The following SH3RF2 variants were observed in gnomAD, a reference collection of about 807,000 sequenced individuals.
The protein encoded by SH3RF2 is E3 ubiquitin-protein ligase SH3RF2.
A neutral mutation model predicts 59.0 loss-of-function variants in SH3RF2; 43 were observed. That is an observed-to-expected ratio of 0.73 (90% CI 0.57 to 0.94). The LOEUF is 0.94. SH3RF2 is among the 40% of genes least tolerant of loss of function. The pLI is 0.00. For missense variants in SH3RF2, 930 were observed against 940.1 expected (o/e 0.99, Z 0.14); for synonymous variants, 391 against 391.5 (o/e 1.00, Z 0.01).
At position 146,013,852 on chromosome 5, in the gene SH3RF2, A is replaced by G; in HGVS notation, c.850A>G (p.Thr284Ala). Residue 284 changes from threonine (T) to alanine (A), a missense_variant, in exon 5 of 10, where the codon ACC becomes GCC. Coordinates refer to ENST00000359120, the MANE Select transcript of SH3RF2 (RefSeq NM_152550.4). ...CTCGTCCTCCAGAGGCAACACGTCT[A>G]CCCTCCGTAGGGGCCCAGGGTCCAG... is the stretch of plus-strand genomic sequence containing the variant. ...VSSSSRGNTS[T>A]LRRGPGSRRK... is the part of the protein sequence containing the mutation. The G allele has an allele frequency of 2.5e-6, 4 of 1,613,946 alleles. No individual in the cohort carries two copies. Among genetic ancestry groups the G allele is most frequent in the Non-Finnish European group, 3.4e-6 (4 of 1,179,984 alleles).
intron 2 of SH3RF2, among the ~76,000 whole-genome samples, chr5:145,953,360 A>G (rs1421896889): frequency 1.3e-5 from 2 of 152,170 alleles, no homozygotes; most frequent in Admixed American, 6.5e-5. Context: ...CTGTTCTCAA[A>G]GAGTGGAGAG....
At chr5:145,950,727 G>A (rs185492150) in intron 2 of SH3RF2, among the ~76,000 whole-genome samples, 70 of 152,332 alleles carry the variant, frequency 4.6e-4, no homozygotes, top group African/African-American at 1.6e-3. Context: ...TCTCGAATAT[G>A]ACAAGCTCTG....
intron 8 of SH3RF2, among the ~76,000 whole-genome samples, chr5:146,059,549 C>T (rs547892683): frequency 5.3e-5 from 8 of 149,834 alleles, no homozygotes; most frequent in Admixed American, 2.0e-4. Context: ...TGTGTGTGTA[C>T]GTGTGTGTGT....
At chr5:146,011,312 G>C (rs555872244) in intron 4 of SH3RF2, among the ~76,000 whole-genome samples, 16 of 152,224 alleles carry the variant, frequency 1.1e-4, no homozygotes, top group African/African-American at 3.6e-4. Context: ...GTCAGGTAGC[G>C]TGATGCCTCC....
chr5:145,952,334 G>C (rs543771993), intron 2 of SH3RF2, among the ~76,000 whole-genome samples: 3 of 152,178 alleles, frequency 2.0e-5, no homozygotes, highest in Admixed American at 6.5e-5. Context: ...TTCTCATAAA[G>C]AGCCTCTAAC....
intron 2 of SH3RF2, chr5:145,997,806 C>T: frequency 6.6e-7 from 1 of 1,517,494 alleles, no homozygotes; most frequent in Middle Eastern, 1.8e-4. Context: ...AAAAATTAAG[C>T]TAGGATCCCC....
chr5:145,997,123 T>A, intron 2 of SH3RF2: 1 of 643,606 alleles, frequency 1.6e-6, no homozygotes, highest in Admixed American at 2.6e-5. Context: ...GTGCAGGTTA[T>A]TTCATCACCC....
rs558717056 is a variant in SH3RF2, at chr5:146,033,451, CTTTTTTTTTTTTTTT to C, written c.1060-14299_1060-14285del. 1.5e-4 allele frequency among the ~76,000 whole-genome samples: 11 copies of C among 71,856 alleles called. 1 individual carries two copies. The highest frequency in any genetic ancestry group is 2.4e-4 in the Non-Finnish European group (10 of 41,782). The allele number at this position is 71,856 out of a possible 152,430, so 47.1% of individuals were successfully genotyped here. A position where few individuals can be genotyped will look rare whatever the true frequency, so the allele number is the denominator to read the frequency against. On this transcript the variant is annotated intron_variant, in intron 5 of 9. Transcript: ENST00000359120. ...AAAATCTATGAGCACTAGCCCTTAG[CTTTTTTTTTTTTTTT>C]TTTTTTTTTTTTTTTTTTTTTGAGA... is the stretch of plus-strand genomic sequence containing the variant.
In SH3RF2 at chr5:146,060,225, G is replaced by T. The variant is rs779760080; in HGVS notation, c.1914+1G>T. On this transcript the variant is annotated splice_donor_variant, in intron 9 of 9. Coordinates refer to ENST00000359120, the MANE Select transcript of SH3RF2 (RefSeq NM_152550.4). LOFTEE classifies it high-confidence loss of function. ...AAACTCAAGAAATGGCATCGAAAAG[G>T]TAGGATCAGAGTGACATTGGGGGCC... The T allele has an allele frequency of 6.2e-7, 1 of 1,600,648 alleles. No individual in the cohort carries two copies. The highest frequency in any genetic ancestry group is 8.5e-7 in the Non-Finnish European group (1 of 1,172,878).
At chr5:145,958,087 T>G (rs572407014) in intron 2 of SH3RF2, among the ~76,000 whole-genome samples, 1 of 150,962 alleles carries the variant, frequency 6.6e-6, no homozygotes, top group East Asian at 2.0e-4. Flanking sequence ...CACTCCAGCC[T>G]GGGCAACAAG....
chr5:146,054,446 T>C (rs943617966), intron 7 of SH3RF2, among the ~76,000 whole-genome samples: 45 of 152,320 alleles, frequency 3.0e-4, no homozygotes, highest in African/African-American at 1.0e-3. Context: ...CCTTGAGGCC[T>C]CTGTTCAAAA....
chr5:146,011,670 G>T (rs1760904041), intron 4 of SH3RF2, among the ~76,000 whole-genome samples: 1 of 152,080 alleles, frequency 6.6e-6, no homozygotes, highest in South Asian at 2.1e-4. Flanking sequence ...CTCATGATTT[G>T]GCTCTCTGTT....
intron 2 of SH3RF2, among the ~76,000 whole-genome samples, chr5:145,969,938 G>T (rs1759010791): frequency 6.6e-6 from 1 of 151,976 alleles, no homozygotes; most frequent in Non-Finnish European, 1.5e-5. Context: ...CCTGGGCTCT[G>T]CATTATTCCC....
intron 4 of SH3RF2, among the ~76,000 whole-genome samples, chr5:146,006,099 T>C (rs1357956902): frequency 6.6e-6 from 1 of 152,138 alleles, no homozygotes; most frequent in Non-Finnish European, 1.5e-5. Context: ...TCAGAAAGTA[T>C]TCCAGTAATT....
intron 2 of SH3RF2, among the ~76,000 whole-genome samples, chr5:145,958,729 C>T (rs905740499): frequency 6.6e-6 from 1 of 152,140 alleles, no homozygotes; most frequent in Non-Finnish European, 1.5e-5. Flanking sequence ...TCCTGACTCT[C>T]GGTCCATGCA....
At chr5:145,948,982 G>A (rs1274534461) in intron 2 of SH3RF2, among the ~76,000 whole-genome samples, 1 of 152,204 alleles carries the variant, frequency 6.6e-6, no homozygotes, top group African/African-American at 2.4e-5. Context: ...CATAATGTTT[G>A]CCATATTGCA....
chr5:145,937,456 G>A (rs1469267082), intron 1 of SH3RF2, among the ~76,000 whole-genome samples: 2 of 152,148 alleles, frequency 1.3e-5, no homozygotes, highest in Non-Finnish European at 2.9e-5. Flanking sequence ...CGTTCGGAGG[G>A]GGCTTTGTTG....
intron 4 of SH3RF2, among the ~76,000 whole-genome samples, chr5:146,006,879 T>C (rs1760667102): frequency 5.3e-5 from 8 of 152,222 alleles, no homozygotes; most frequent in Admixed American, 4.6e-4. Flanking sequence ...CTGGGCCATC[T>C]GGTAGCTGCA....
At position 145,959,615 on chromosome 5, in the gene SH3RF2, ATGTGTGTGTG is replaced by A. The variant is rs35295719; in HGVS notation, c.378+21333_378+21342del. On this transcript the variant is annotated intron_variant, in intron 2 of 9. Transcript: ENST00000359120. ...CAATAAAATCTACTGCTATATATAT[ATGTGTGTGTG>A]TGTGTGTGTGTGTGTGTGTGTGTAT... Among the ~76,000 whole-genome samples the A allele has an allele frequency of 9.6e-5, 14 of 145,518 alleles. No homozygotes were observed. The South Asian group carries it at 1.5e-3, about 16-fold the overall frequency.
Sources: allele counts gnomAD v4.1 joint callset (sites outside exome capture counted in the v4.1 genomes callset), GRCh38; gene constraint gnomAD v4.1.1; transcripts MANE v1.5; gene names NCBI Gene and HGNC (gene_info 2026-07-23, HGNC 2026-07-21).